Variants in SLC2A8 observed in about 807,000 individuals in gnomAD.
SLC2A8 encodes the protein solute carrier family 2 member 8.
Under a neutral mutation model 49.2 loss-of-function variants are expected in SLC2A8, and 53 were observed. That is an observed-to-expected ratio of 1.08 (90% CI 0.86 to 1.35). The LOEUF (loss-of-function observed/expected upper bound fraction) is 1.35, where lower values mean the gene tolerates loss of function less well. Ranked by LOEUF, SLC2A8 falls within the 40% of genes most tolerant of loss-of-function variation. SLC2A8 has a pLI of 0.00. For missense variants in SLC2A8, 688 were observed against 671.7 expected, an observed-to-expected ratio of 1.02 and a Z score of -0.27; for synonymous variants, 299 against 297.0, an observed-to-expected ratio of 1.01 and a Z score of -0.07.
chr9:127,397,698 C>T (rs1236235291), intron 2 of SLC2A8, among the ~76,000 whole-genome samples, 160 bp downstream of exon 2: 9 of 152,120 alleles, frequency 5.9e-5, no homozygotes, highest in South Asian at 2.1e-4. Flanking sequence ...TCTCTGCCCC[C>T]CATCCCTTCC....
At position 127,403,750 on chromosome 9, in the gene SLC2A8, G is replaced by T. The variant is rs1833383318; in HGVS notation, c.814G>T (p.Val272Phe). The T allele has an allele frequency of 6.2e-7, 1 of 1,613,258 alleles. No individual in the cohort carries two copies. The highest frequency in any genetic ancestry group is 8.5e-7 in the Non-Finnish European group (1 of 1,179,976). The change falls in exon 6 of 10, where the codon GTC becomes TTC. Residue 272 changes from valine (V) to phenylalanine (F), a missense_variant. Physicochemically the swap from Val to Phe is conservative, Grantham distance 50 (BLOSUM62 -1). Coordinates refer to ENST00000373371, the MANE Select transcript of SLC2A8 (RefSeq NM_014580.5). ...SLMAFQQLSGVNAVMFYAETI... is the reference protein window; with the variant it reads ...SLMAFQQLSGFNAVMFYAETI... ...GATGGCCTTCCAGCAGCTGTCGGGG[G>T]TCAACGCCGTCATGTTCTATGCAGA... is the stretch of plus-strand genomic sequence containing the variant.
rs41276194 is a variant in SLC2A8, at chr9:127,403,738, C to T, written c.802C>T (p.Gln268Ter). 6.7e-4 allele frequency: 1,078 copies of T among 1,613,274 alleles called. 2 individuals carry two copies. In the Middle Eastern group the frequency reaches 0.01, roughly 15 times the overall value. ...CGGCGTCTCCCTGATGGCCTTCCAG[C>T]AGCTGTCGGGGGTCAACGCCGTCAT... is the stretch of plus-strand genomic sequence containing the variant. ...IIGVSLMAFQ[Q>*]LSGVNAVMFY... is the part of the protein sequence containing the mutation. Residue 268 changes from glutamine (Q) to a stop codon, truncating the protein, a stop_gained, in exon 6 of 10, where the codon CAG becomes TAG. Transcript: ENST00000373371. LOFTEE classifies it high-confidence loss of function.
intron 7 of SLC2A8, chr9:127,404,425 G>A: frequency 3.1e-6 from 1 of 323,752 alleles, no homozygotes; most frequent in Non-Finnish European, 5.7e-6. Context: ...GGGAAGTGGG[G>A]GTAATGGCAG....
intron 8 of SLC2A8, among the ~76,000 whole-genome samples, 183 bp from the exon 9 acceptor site, chr9:127,405,237 G>T (rs1047578338): frequency 2.0e-5 from 3 of 152,204 alleles, no homozygotes; most frequent in African/African-American, 7.2e-5. Flanking sequence ...CAGAGCCTGT[G>T]CCTGAGGAGG....
Position 127,404,076 on chromosome 9 carries a change from T to C in SLC2A8, c.976+9T>C, listed in dbSNP as rs2131903496. The C allele has an allele frequency of 6.4e-7, 1 of 1,574,232 alleles. No individual in the cohort carries two copies. The highest frequency in any genetic ancestry group is 8.7e-7 in the Non-Finnish European group (1 of 1,153,820). ...GCTCCTGGTCTTGTCAGGTGAGGGT[T>C]CACCCCTGTGCAGCCTCCCCGCCAT... On this transcript the variant is annotated intron_variant, in intron 7 of 9. Coordinates refer to ENST00000373371, the MANE Select transcript of SLC2A8 (RefSeq NM_014580.5).
rs1335412964 is a variant in SLC2A8, at chr9:127,397,210, C to T, written c.-21C>T. On this transcript the variant is annotated 5_prime_UTR_variant, in exon 1 of 10. Transcript: ENST00000373371. Reference sequence around the variant, plus strand: ...TGGCGGTTCAGGCGCCAGAGCTGGCCGATCGGCGTTGGCCGCCGACATGAC... The same window carrying T: ...TGGCGGTTCAGGCGCCAGAGCTGGCTGATCGGCGTTGGCCGCCGACATGAC... 9.6e-6 allele frequency: 14 copies of T among 1,455,048 alleles called. No homozygotes were observed. The highest frequency in any genetic ancestry group is 1.1e-5 in the Non-Finnish European group (12 of 1,111,962). 90.1% of individuals were successfully genotyped at this position (1,455,048 alleles called of 1,614,324 possible).
chr9:127,404,643 G>A, intron 7 of SLC2A8, 175 bp from the exon 8 acceptor site: 1 of 688,136 alleles, frequency 1.5e-6, no homozygotes, highest in Non-Finnish European at 2.4e-6. Context: ...GTTCGCTGAG[G>A]TCCAAGGCGG....
Position 127,407,478 on chromosome 9 carries a change from T to C in SLC2A8, c.*229T>C. On this transcript the variant is annotated 3_prime_UTR_variant, in exon 10 of 10. Transcript: ENST00000373371. ...AGGACTCAGGAACACCTTCGAGCTT[T>C]GCAGACCTGCGGTCAGCCCTCCATG... The C allele has an allele frequency of 1.5e-6, 1 of 671,140 alleles. No individual in the cohort carries two copies. The highest frequency in any genetic ancestry group is 3.1e-5 in the East Asian group (1 of 32,620). 41.6% of individuals were successfully genotyped at this position (671,140 alleles called of 1,614,324 possible).
intron 9 of SLC2A8, among the ~76,000 whole-genome samples, chr9:127,406,557 G>T (rs1361835035): frequency 9.7e-5 from 13 of 134,022 alleles, no homozygotes; most frequent in Admixed American, 9.5e-4. Context: ...AGGAGGGAGA[G>T]ATCGCCAGGT....
chr9:127,403,831 G>A lies in SLC2A8; in HGVS notation c.867+28G>A, dbSNP rs200607576. ...AAAAGGGCCCTGCCTGGCCTGCCTC[G>A]TCCAGCCCCCACATAGATGGAGCTT... On this transcript the variant is annotated intron_variant, in intron 6 of 9. Coordinates refer to ENST00000373371, the MANE Select transcript of SLC2A8 (RefSeq NM_014580.5). 2.4e-4 allele frequency: 386 copies of A among 1,608,280 alleles called. 1 individual carries two copies. Among genetic ancestry groups the A allele is most frequent in the Admixed American group, 4.9e-4 (29 of 59,726 alleles).
At chr9:127,400,952 A>T (rs1315842573) in intron 4 of SLC2A8, among the ~76,000 whole-genome samples, 1 of 152,190 alleles carries the variant, frequency 6.6e-6, no homozygotes, top group Non-Finnish European at 1.5e-5. Flanking sequence ...AAAATTAGCC[A>T]GGCGTGGTGG....
chr9:127,397,475 T>C lies in SLC2A8; in HGVS notation c.156T>C (p.Pro52=). The C allele has an allele frequency of 6.8e-7, 1 of 1,478,128 alleles. No homozygotes were observed. Among genetic ancestry groups the C allele is most frequent in the Admixed American group, 2.4e-5 (1 of 41,942 alleles). The allele number at this position is 1,478,128 out of a possible 1,614,324, so 91.6% of individuals were successfully genotyped here. The change falls in exon 2 of 10, where the codon CCT becomes CCC. Residue 52 remains proline (P), a synonymous_variant. Coordinates refer to ENST00000373371, the MANE Select transcript of SLC2A8 (RefSeq NM_014580.5). The stretch of plus-strand genomic sequence containing the variant: ...TCGGCTACAGCTCCCCGGCCATCCC[T>C]AGCCTGCAGCGCGCCGCGCCCCCGG... ...FALGYSSPAI[P]SLQRAAPPAP...
rs754468559 is a variant in SLC2A8 at position 127,399,416 on chromosome 9, G to T, written c.427-491G>T. ...AACACCTGCCACAGATCTTTCAGTGGTGGGGACCTGGGGATGGCTCTGCTC... is the reference window on the plus strand; with the variant it reads ...AACACCTGCCACAGATCTTTCAGTGTTGGGGACCTGGGGATGGCTCTGCTC... On this transcript the variant is annotated intron_variant, in intron 3 of 9. Coordinates refer to ENST00000373371, the MANE Select transcript of SLC2A8 (RefSeq NM_014580.5). This position sits in a 1 kb window ranked among gnomAD's most constrained non-coding sequence, Gnocchi z 4.2. Among the ~76,000 whole-genome samples the T allele has an allele frequency of 4.6e-5, 7 of 152,054 alleles. No homozygotes were observed. Among genetic ancestry groups the T allele is most frequent in the Admixed American group, 3.3e-4 (5 of 15,278 alleles).
chr9:127,401,418 C>T (rs143194214), intron 4 of SLC2A8, among the ~76,000 whole-genome samples: 13 of 152,292 alleles, frequency 8.5e-5, no homozygotes, highest in Admixed American at 2.0e-4. Flanking sequence ...ATCGTCAGGG[C>T]GGATGATACA....
At position 127,397,504 on chromosome 9, in the gene SLC2A8, C is replaced by G. The variant is rs1455859456; in HGVS notation, c.185C>G (p.Pro62Arg). ...PSLQRAAPPA[P>R]RLDDAAASWF... ...CTGCAGCGCGCCGCGCCCCCGGCCC[C>G]GCGCCTGGACGACGCCGCCGCCTCC... Residue 62 changes from proline (P) to arginine (R), a missense_variant, in exon 2 of 10, where the codon CCG becomes CGG. By Grantham distance (103) the Pro-to-Arg change is moderately radical. Transcript: ENST00000373371. 2.8e-6 allele frequency: 4 copies of G among 1,441,146 alleles called. No homozygotes were observed. The East Asian group carries it at 1.2e-4, about 43-fold the overall frequency. The allele number at this position is 1,441,146 out of a possible 1,614,324, so 89.3% of individuals were successfully genotyped here.
At chr9:127,398,450 T>C (rs1661300894) in intron 3 of SLC2A8, 1 of 612,092 alleles carries the variant, frequency 1.6e-6, no homozygotes, top group African/African-American at 1.8e-5. Flanking sequence ...CTGCGGATGA[T>C]CCACAGGAGC....
rs1564219041 is a variant in SLC2A8, at chr9:127,404,786, TGCCCCGCCCACTGCCGCCCTCCC to T, written c.977-28_977-6del. On this transcript the variant is annotated splice_polypyrimidine_tract_variant and intron_variant, in intron 7 of 9. Transcript: ENST00000373371. ...GCTGCGCCCTGGGCCGTTCCCCGGGTGCCCCGCCCACTGCCGCCCTCCCGCCTGCAGGTGTGGTCATGGTGTTC... is the reference window on the plus strand; with the variant it reads ...GCTGCGCCCTGGGCCGTTCCCCGGGTGCCTGCAGGTGTGGTCATGGTGTTC... 1 of 1,595,762 alleles carries T rather than the reference TGCCCCGCCCACTGCCGCCCTCCC, an allele frequency of 6.3e-7. No individual in the cohort carries two copies. Among genetic ancestry groups the T allele is most frequent in the Non-Finnish European group, 8.6e-7 (1 of 1,168,504 alleles).
intron 7 of SLC2A8, chr9:127,404,489 A>G: frequency 2.9e-6 from 1 of 340,550 alleles, no homozygotes; most frequent in Non-Finnish European, 5.4e-6. Context: ...TGAGGCCTTC[A>G]GCAAGAGCTG....
At chr9:127,403,537 TG>T in intron 5 of SLC2A8, 122 bp from the exon 6 acceptor site, 1 of 1,152,678 alleles carries the variant, frequency 8.7e-7, no homozygotes, top group Non-Finnish European at 1.3e-6. Context: ...CAGGGGGTGC[TG>T]GGATGAGGAG....
Sources: allele counts gnomAD v4.1 joint callset (sites outside exome capture counted in the v4.1 genomes callset), GRCh38; gene constraint gnomAD v4.1.1; non-coding constraint Gnocchi (gnomAD v3.1); transcripts MANE v1.5; gene names NCBI Gene and HGNC (gene_info 2026-07-23, HGNC 2026-07-21).